Variants in PCDH9 observed in about 807,000 individuals in gnomAD.
The protein encoded by PCDH9 is protocadherin-9.
In PCDH9, 24 loss-of-function variants were observed where a neutral mutation model predicts 70.6. The observed-to-expected ratio is 0.34, with a 90% CI of 0.25 to 0.48. PCDH9 has a LOEUF of 0.48. Ranked by LOEUF, PCDH9 falls within the 20% of genes least tolerant of loss-of-function variation. The pLI, the probability that PCDH9 is intolerant of heterozygous loss-of-function variation, is 0.99. For synonymous variants in PCDH9, 562 were observed against 558.5 expected, an observed-to-expected ratio of 1.01 and a Z score of -0.09; for missense variants, 1,281 against 1,503.6, an observed-to-expected ratio of 0.85 and a Z score of 2.45.
chr13:66,363,702 G>A (rs771620068), intron 4 of PCDH9, among the ~76,000 whole-genome samples: 11 of 152,158 alleles, frequency 7.2e-5, no homozygotes, highest in Non-Finnish European at 1.5e-4. Context: ...AATTTCATAT[G>A]AGACAATGTA....
At chr13:66,935,487 G>T (rs2082901171) in intron 2 of PCDH9, among the ~76,000 whole-genome samples, 1 of 152,110 alleles carries the variant, frequency 6.6e-6, no homozygotes, top group South Asian at 2.1e-4. Flanking sequence ...TATAAAAATA[G>T]AAATAAAGTG....
chr13:66,925,373 T>G (rs1594267710), intron 2 of PCDH9, among the ~76,000 whole-genome samples: 1 of 151,974 alleles, frequency 6.6e-6, no homozygotes, highest in Non-Finnish European at 1.5e-5. Flanking sequence ...AAAATATTTT[T>G]TTCTCATATG....
intron 3 of PCDH9, among the ~76,000 whole-genome samples, chr13:66,769,972 G>T (rs1231060471): frequency 6.6e-6 from 1 of 152,044 alleles, no homozygotes; most frequent in African/African-American, 2.4e-5. Flanking sequence ...GCATCCATTT[G>T]CATACATCTC....
At chr13:66,598,082 A>G (rs1462726334) in intron 4 of PCDH9, among the ~76,000 whole-genome samples, 2 of 151,784 alleles carry the variant, frequency 1.3e-5, no homozygotes, top group Non-Finnish European at 2.9e-5. Context: ...CCCTGAAAAT[A>G]ACAAGTGTTG....
intron 4 of PCDH9, among the ~76,000 whole-genome samples, chr13:66,498,417 C>G (rs934786830): frequency 6.6e-6 from 1 of 151,714 alleles, no homozygotes; most frequent in African/African-American, 2.4e-5. Flanking sequence ...TTTTCCCAGT[C>G]TAATGCCCTA....
chr13:66,717,469 AAAAAAAAAAAAATATATATATATAT>A lies in PCDH9; in HGVS notation c.3139-86083_3139-86059del, dbSNP rs2078881182. ...TCTGTCTCAAAAAAAAAAAAAAAAA[AAAAAAAAAAAAATATATATATATAT>A]ATATATATATATATGTATATATGTA... On this transcript the variant is annotated intron_variant, in intron 3 of 4. Coordinates refer to ENST00000377865, the MANE Select transcript of PCDH9 (RefSeq NM_203487.3). Among the ~76,000 whole-genome samples the A allele has an allele frequency of 7.9e-5, 3 of 37,902 alleles. No individual in the cohort carries two copies. In the East Asian group the frequency reaches 2.6e-3, roughly 32 times the overall value. 24.9% of individuals were successfully genotyped at this position (37,902 alleles called of 152,430 possible).
At chr13:66,332,260 C>T (rs1469853545) in intron 4 of PCDH9, among the ~76,000 whole-genome samples, 1 of 152,022 alleles carries the variant, frequency 6.6e-6, no homozygotes, top group African/African-American at 2.4e-5. Flanking sequence ...ATGGAGACAA[C>T]CAGAAACAAG....
At position 66,444,021 on chromosome 13, in the gene PCDH9, A is replaced by C. The variant is rs190550083; in HGVS notation, c.3341-138993T>G. On this transcript the variant is annotated intron_variant, in intron 4 of 4. Coordinates refer to ENST00000377865, the MANE Select transcript of PCDH9 (RefSeq NM_203487.3). ...TTCAGAAATTATTTTCCCCCTCTAC[A>C]AATTCACCTGTTTATCTCTAATCCC... is the stretch of plus-strand genomic sequence containing the variant. 2.6e-5 allele frequency among the ~76,000 whole-genome samples: 4 copies of C among 152,228 alleles called. No individual in the cohort carries two copies. In the East Asian group the frequency reaches 7.7e-4, roughly 29 times the overall value.
intron 4 of PCDH9, among the ~76,000 whole-genome samples, chr13:66,306,876 CT>C (rs1955476831): frequency 6.6e-6 from 1 of 151,982 alleles, no homozygotes; most frequent in South Asian, 2.1e-4. Flanking sequence ...TAATTTATCA[CT>C]TTTAGGCTCC....
intron 4 of PCDH9, among the ~76,000 whole-genome samples, chr13:66,504,112 G>T (rs973145479): frequency 6.6e-6 from 1 of 152,162 alleles, no homozygotes; most frequent in Non-Finnish European, 1.5e-5. Flanking sequence ...CTGAGTCATT[G>T]TACTCACTGG....
chr13:66,700,903 AAT>A (rs1198939826), intron 3 of PCDH9, among the ~76,000 whole-genome samples: 12 of 127,102 alleles, frequency 9.4e-5, no homozygotes, highest in Non-Finnish European at 1.8e-4. Context: ...TATATATGAA[AAT>A]ATATGTGTGT....
intron 3 of PCDH9, among the ~76,000 whole-genome samples, chr13:66,767,983 T>C (rs1288049440): frequency 1.3e-5 from 2 of 152,046 alleles, no homozygotes; most frequent in African/African-American, 4.8e-5. Context: ...AAAATGTATA[T>C]AAGGCTGACA....
chr13:66,310,208 A>G (rs1955539409), intron 4 of PCDH9, among the ~76,000 whole-genome samples: 1 of 152,036 alleles, frequency 6.6e-6, no homozygotes, highest in Non-Finnish European at 1.5e-5. Flanking sequence ...AAACAAAAGC[A>G]CATAATGAAA....
chr13:66,606,686 TG>T (rs561551161), intron 4 of PCDH9, among the ~76,000 whole-genome samples: 3 of 152,292 alleles, frequency 2.0e-5, no homozygotes, highest in African/African-American at 7.2e-5. Context: ...TTAGTACATC[TG>T]TCCTAAATCA....
intron 4 of PCDH9, among the ~76,000 whole-genome samples, chr13:66,565,050 C>G (rs2076633713): frequency 6.6e-6 from 1 of 152,096 alleles, no homozygotes; most frequent in South Asian, 2.1e-4. Context: ...ATTCTTTTAA[C>G]TGTTTCAGGA....
chr13:66,938,716 C>T (rs1924310), intron 2 of PCDH9, among the ~76,000 whole-genome samples: 2 of 152,062 alleles, frequency 1.3e-5, no homozygotes, highest in Non-Finnish European at 2.9e-5. Flanking sequence ...ATCACCATAA[C>T]ATCACTGGAA....
intron 4 of PCDH9, among the ~76,000 whole-genome samples, chr13:66,358,400 A>C (rs961046724): frequency 1.3e-5 from 2 of 151,930 alleles, no homozygotes; most frequent in African/African-American, 4.8e-5. Flanking sequence ...CATCAAAATA[A>C]GAGGGAAAAA....
chr13:66,742,848 T>G (rs1248626371), intron 3 of PCDH9, among the ~76,000 whole-genome samples: 10 of 147,382 alleles, frequency 6.8e-5, no homozygotes, highest in African/African-American at 1.7e-4. Context: ...GAAACAACAG[T>G]TGCTGGAGAG....
At chr13:66,437,404 C>CAAAGAAAAAAA (rs758826196) in intron 4 of PCDH9, among the ~76,000 whole-genome samples, 1 of 45,600 alleles carries the variant, frequency 2.2e-5, no homozygotes, top group African/African-American at 6.9e-5. Flanking sequence ...GACTCTGTCT[C>CAAAGAAAAAAA]AAAAAAAAAA....
Sources: gnomAD v4.1 joint callset for allele counts (sites outside exome capture counted in the v4.1 genomes callset) on GRCh38, gnomAD v4.1.1 for gene constraint, MANE v1.5 for transcripts, NCBI Gene and HGNC (gene_info 2026-07-23, HGNC 2026-07-21) for gene names.